Variants in SEMA6D observed in about 807,000 individuals in gnomAD.
The protein encoded by SEMA6D is semaphorin-6D.
A neutral mutation model predicts 106.6 loss-of-function variants in SEMA6D; 35 were observed. The ratio of observed to expected loss-of-function variants is 0.33; its 90% CI spans 0.25 to 0.44. SEMA6D has a LOEUF of 0.44. SEMA6D is among the 20% of genes least tolerant of loss of function. The pLI is 1.00. For missense variants in SEMA6D, 1,185 were observed against 1,345.9 expected (o/e 0.88, Z 1.87); for synonymous variants, 499 against 487.7 (o/e 1.02, Z -0.31).
intron 3 of SEMA6D, among the ~76,000 whole-genome samples, chr15:47,559,839 T>C (rs1229644607): frequency 6.6e-6 from 1 of 152,134 alleles, no homozygotes; most frequent in African/African-American, 2.4e-5. Flanking sequence ...AAAATTTGAA[T>C]GTCATTCCCA....
intron 4 of SEMA6D, among the ~76,000 whole-genome samples, chr15:47,613,298 C>T (rs2076947026): frequency 6.6e-6 from 1 of 152,188 alleles, no homozygotes. Flanking sequence ...GTTTCCACTG[C>T]ATTTTCAGCA....
intron 2 of SEMA6D, among the ~76,000 whole-genome samples, chr15:47,464,153 A>C (rs2042593167): frequency 6.6e-6 from 1 of 152,154 alleles, no homozygotes. Flanking sequence ...GCTGCCATTC[A>C]ACCCATGTAG....
chr15:47,251,911 T>TTTA lies in SEMA6D; in HGVS notation c.-239+67495_-239+67496insATT, dbSNP rs2033533189. Among the ~76,000 whole-genome samples the TTTA allele has an allele frequency of 3.1e-5, 4 of 127,874 alleles. No homozygotes were observed. In the South Asian group the frequency reaches 8.1e-4, roughly 26 times the overall value. 83.9% of individuals were successfully genotyped at this position (127,874 alleles called of 152,430 possible). ...TTTTATCCACTTTCTAATTGGATTT[T>TTTA]TTTTTTTTTTTTTTTTTTTTTTGAG... On this transcript the variant is annotated intron_variant, in intron 1 of 19. Coordinates refer to the SEMA6D transcript ENST00000558014.
chr15:47,768,783 G>A (rs192151500), intron 18 of SEMA6D, 35 bp downstream of exon 18: 11 of 1,584,452 alleles, frequency 6.9e-6, no homozygotes, highest in Admixed American at 1.7e-5. Context: ...CTCTAACTGC[G>A]TGGAAACCTG....
At chr15:47,249,143 G>T (rs2033367401) in intron 1 of SEMA6D, among the ~76,000 whole-genome samples, 2 of 152,148 alleles carry the variant, frequency 1.3e-5, no homozygotes, top group African/African-American at 4.8e-5. Context: ...CAGGAGAATC[G>T]CCTGAGCACA....
At chr15:47,285,604 GAATA>G (rs1001268441) in intron 1 of SEMA6D, among the ~76,000 whole-genome samples, 41 of 152,082 alleles carry the variant, frequency 2.7e-4, no homozygotes, top group African/African-American at 9.6e-4. Context: ...GCATTTTTTT[GAATA>G]ATTCAGATGA....
At chr15:47,299,221 C>T (rs1595675962) in intron 1 of SEMA6D, among the ~76,000 whole-genome samples, 1 of 152,170 alleles carries the variant, frequency 6.6e-6, no homozygotes, top group African/African-American at 2.4e-5. Context: ...ACCGACAAGA[C>T]ACACCATTGC....
intron 4 of SEMA6D, among the ~76,000 whole-genome samples, chr15:47,710,176 ATTAAT>A (rs2078988513): frequency 6.6e-6 from 1 of 152,222 alleles, no homozygotes; most frequent in Non-Finnish European, 1.5e-5. Context: ...TTTATATTAA[ATTAAT>A]TTATTTCCAT....
chr15:47,419,949 G>C (rs2041098348), intron 2 of SEMA6D, among the ~76,000 whole-genome samples: 1 of 152,146 alleles, frequency 6.6e-6, no homozygotes, highest in African/African-American at 2.4e-5. Context: ...CTGGTCCAGG[G>C]CAGGTGGTGG....
intron 4 of SEMA6D, among the ~76,000 whole-genome samples, chr15:47,641,607 G>A (rs1239031371): frequency 1.3e-5 from 2 of 152,168 alleles, no homozygotes; most frequent in Non-Finnish European, 2.9e-5. Flanking sequence ...TTATGAAGAG[G>A]AAATTGCCCT....
chr15:47,218,942 T>C (rs1334841840), intron 1 of SEMA6D, among the ~76,000 whole-genome samples: 1 of 152,242 alleles, frequency 6.6e-6, no homozygotes, highest in Admixed American at 6.5e-5. Flanking sequence ...AACCCATGTT[T>C]CTTCTGTCGA....
intron 4 of SEMA6D, among the ~76,000 whole-genome samples, chr15:47,703,094 A>G (rs1258267882): frequency 1.3e-5 from 2 of 152,224 alleles, no homozygotes; most frequent in Non-Finnish European, 2.9e-5. Flanking sequence ...GAGCAAAAAT[A>G]TGCTTATTTC....
rs567465908 is a variant in SEMA6D, at chr15:47,617,379, T to C, written c.-55+16483T>C. Among the ~76,000 whole-genome samples, 3 of 152,334 alleles carry C rather than the reference T, an allele frequency of 2.0e-5. No individual in the cohort carries two copies. In the East Asian group the frequency reaches 5.8e-4, roughly 29 times the overall value. On this transcript the variant is annotated intron_variant, in intron 4 of 19. Coordinates refer to the SEMA6D transcript ENST00000558014. ...TTGCTAATGGGACAAAGTTTTACTATGTCTTCCATGATGAAATTCAACCTC... is the reference window on the plus strand; with the variant it reads ...TTGCTAATGGGACAAAGTTTTACTACGTCTTCCATGATGAAATTCAACCTC...
intron 3 of SEMA6D, among the ~76,000 whole-genome samples, chr15:47,581,766 G>A (rs1302725372): frequency 6.6e-6 from 1 of 152,210 alleles, no homozygotes; most frequent in Non-Finnish European, 1.5e-5. Context: ...GTGATGAGAA[G>A]CCACTGGAGG....
intron 1 of SEMA6D, among the ~76,000 whole-genome samples, chr15:47,323,731 A>C (rs1369318683): frequency 1.3e-5 from 2 of 152,184 alleles, no homozygotes; most frequent in Non-Finnish European, 2.9e-5. Context: ...ACTGTGATAA[A>C]GAGACGTGGC....
chr15:47,742,908 G>A (rs931355101), intron 1 of SEMA6D, among the ~76,000 whole-genome samples: 1 of 152,130 alleles, frequency 6.6e-6, no homozygotes, highest in Non-Finnish European at 1.5e-5. Context: ...GAGTAGGTGG[G>A]GAAAAGGAAA....
intron 1 of SEMA6D, among the ~76,000 whole-genome samples, chr15:47,195,905 G>A (rs1894309389): frequency 1.3e-5 from 2 of 148,206 alleles, no homozygotes; most frequent in Admixed American, 1.4e-4. Flanking sequence ...ATTCAACGTG[G>A]GTGAGCGTGT....
chr15:47,612,267 C>A (rs1412764050), intron 4 of SEMA6D, among the ~76,000 whole-genome samples: 1 of 152,160 alleles, frequency 6.6e-6, no homozygotes, highest in Non-Finnish European at 1.5e-5. Flanking sequence ...AGTTTGGTGA[C>A]CAACCTAAGG....
intron 1 of SEMA6D, among the ~76,000 whole-genome samples, chr15:47,200,726 C>A (rs1894668367): frequency 6.6e-6 from 1 of 152,164 alleles, no homozygotes; most frequent in Non-Finnish European, 1.5e-5. Flanking sequence ...GTTACAACTG[C>A]AGGGCAGTTT....
Sources: allele counts gnomAD v4.1 joint callset (sites outside exome capture counted in the v4.1 genomes callset), GRCh38; gene constraint gnomAD v4.1.1; transcripts MANE v1.5; gene names NCBI Gene and HGNC (gene_info 2026-07-23, HGNC 2026-07-21).